Variants in STIM2 observed in about 807,000 individuals in gnomAD.
The protein encoded by STIM2 is stromal interaction molecule 2.
Under a neutral mutation model 85.8 loss-of-function variants are expected in STIM2, and 31 were observed. That is an observed-to-expected ratio of 0.36 (90% CI 0.27 to 0.49). STIM2 has a LOEUF of 0.49. STIM2 is among the 20% of genes least tolerant of loss of function. The pLI is 0.98. For missense variants in STIM2, 841 were observed against 927.6 expected (o/e 0.91, Z 1.21); for synonymous variants, 356 against 331.1 (o/e 1.08, Z -0.82).
chr4:26,869,299 C>CAAAAA (rs71186495), intron 1 of STIM2, among the ~76,000 whole-genome samples: 3 of 85,884 alleles, frequency 3.5e-5, no homozygotes, highest in Non-Finnish European at 7.0e-5. Flanking sequence ...ACCCTGTCTC[C>CAAAAA]AAAAAAAAAA....
At chr4:26,872,480 A>G (rs1722659469) in intron 1 of STIM2, among the ~76,000 whole-genome samples, 1 of 152,218 alleles carries the variant, frequency 6.6e-6, no homozygotes, top group African/African-American at 2.4e-5. Flanking sequence ...AAATATAGAA[A>G]ATACATCTAC....
intron 1 of STIM2, among the ~76,000 whole-genome samples, chr4:26,888,361 A>G (rs1723336507): frequency 6.6e-6 from 1 of 152,226 alleles, no homozygotes. Context: ...TCCCTGGGTA[A>G]TGTTCATTCT....
chr4:27,004,266 T>G (rs1728260162), intron 7 of STIM2, among the ~76,000 whole-genome samples: 1 of 152,216 alleles, frequency 6.6e-6, no homozygotes. Context: ...TTTTTGGAGC[T>G]CTTCCCTCTA....
chr4:26,997,803 G>A (rs540185487), intron 4 of STIM2, among the ~76,000 whole-genome samples: 9 of 152,284 alleles, frequency 5.9e-5, no homozygotes, highest in African/African-American at 9.6e-5. Context: ...AGCATTATAC[G>A]AAAGTACCTG....
chr4:26,890,251 G>A (rs903892661), intron 1 of STIM2, among the ~76,000 whole-genome samples: 2 of 152,170 alleles, frequency 1.3e-5, no homozygotes, highest in African/African-American at 4.8e-5. Context: ...GGTCATAGGT[G>A]TGGGCTGGGA....
intron 3 of STIM2, among the ~76,000 whole-genome samples, chr4:26,971,246 A>G (rs988814365): frequency 2.0e-5 from 3 of 152,054 alleles, no homozygotes; most frequent in Non-Finnish European, 2.9e-5. Context: ...TCTTTTGTTT[A>G]ATTAGATCCC....
At chr4:26,979,901 GTTA>G (rs1727318689) in intron 3 of STIM2, among the ~76,000 whole-genome samples, 1 of 152,070 alleles carries the variant, frequency 6.6e-6, no homozygotes, top group Admixed American at 6.6e-5. Flanking sequence ...TTCATTTGAT[GTTA>G]TTATGAACAT....
intron 2 of STIM2, among the ~76,000 whole-genome samples, chr4:26,927,756 TA>T (rs200087744): frequency 0.27 from 30,974 of 116,076 alleles, 4,183 homozygotes; most frequent in East Asian, 0.37. Flanking sequence ...GCTAAACCCT[TA>T]AAAAAAAAAA....
At chr4:26,983,695 G>C (rs1380825067) in intron 3 of STIM2, among the ~76,000 whole-genome samples, 3 of 152,082 alleles carry the variant, frequency 2.0e-5, no homozygotes, top group Non-Finnish European at 4.4e-5. Context: ...ATTTTTAGCT[G>C]GCCTTTGATA....
At chr4:26,974,211 A>G (rs1727091561) in intron 3 of STIM2, among the ~76,000 whole-genome samples, 1 of 152,196 alleles carries the variant, frequency 6.6e-6, no homozygotes, top group Admixed American at 6.5e-5. Flanking sequence ...GTGTCATTTA[A>G]TTAGGGCATT....
At chr4:27,016,226 A>G (rs1034932208) in intron 10 of STIM2, among the ~76,000 whole-genome samples, 9 of 152,054 alleles carry the variant, frequency 5.9e-5, no homozygotes, top group Admixed American at 1.3e-4. Context: ...TAGTTTCATG[A>G]TGTAAAAAAA....
Position 27,017,832 on chromosome 4 carries a change from C to T in STIM2, c.1611C>T (p.His537=). The T allele has an allele frequency of 1.2e-6, 2 of 1,614,186 alleles. No homozygotes were observed. The highest frequency in any genetic ancestry group is 1.7e-6 in the Non-Finnish European group (2 of 1,180,048). The change falls in exon 11 of 12, where the codon CAC becomes CAT. Residue 537 remains histidine, a synonymous_variant. Transcript: ENST00000467087. ...CTCAGCTTGCTCCACACGCCCCCCA[C>T]CCGTCACACCCTCGGCACCCTCACC...
In STIM2 at chr4:26,885,821, T is replaced by TTATATATA. The variant is rs56851120; in HGVS notation, c.151+24498_151+24505dup. ...ATGAAGCCAAATTTAGCACCTCAGG[T>TTATATATA]TATATATATATATATATATATATAT... On this transcript the variant is annotated intron_variant, in intron 1 of 11. Transcript: ENST00000467087. Among the ~76,000 whole-genome samples, 254 of 84,426 alleles carry TTATATATA rather than the reference T, an allele frequency of 3.0e-3. 1 individual carries two copies. Among genetic ancestry groups the TTATATATA allele is most frequent in the Non-Finnish European group, 4.4e-3 (165 of 37,392 alleles). The allele number at this position is 84,426 out of a possible 152,430, so 55.4% of individuals were successfully genotyped here.
chr4:26,863,206 A>G (rs1722283642), intron 1 of STIM2, among the ~76,000 whole-genome samples: 1 of 152,172 alleles, frequency 6.6e-6, no homozygotes, highest in African/African-American at 2.4e-5. Context: ...CTTATTGGAA[A>G]AAAATCCGAT....
At chr4:27,021,300 G>GT in intron 11 of STIM2, 3 of 450,852 alleles carry the variant, frequency 6.7e-6, no homozygotes, top group Non-Finnish European at 8.2e-6. Context: ...TTAGGTTTTG[G>GT]TAAGTTTTGG....
At chr4:27,010,975 A>G (rs1442004595) in intron 10 of STIM2, among the ~76,000 whole-genome samples, 1 of 152,200 alleles carries the variant, frequency 6.6e-6, no homozygotes, top group African/African-American at 2.4e-5. Context: ...AAACTTTCCT[A>G]TAAAGCCATC....
In STIM2 at chr4:26,979,171, C is replaced by T. The variant is rs182830495; in HGVS notation, c.398-16208C>T. Reference sequence around the variant, plus strand: ...TTTTACTATTGCCTGGTACTTTTTACTTTGAAACCCTAGGTGAGTTTACCT... The same window carrying T: ...TTTTACTATTGCCTGGTACTTTTTATTTTGAAACCCTAGGTGAGTTTACCT... On this transcript the variant is annotated intron_variant, in intron 3 of 11. Transcript: ENST00000467087. 5.2e-3 allele frequency among the ~76,000 whole-genome samples: 788 copies of T among 152,272 alleles called. 8 individuals are homozygous for T. The highest frequency in any genetic ancestry group is 0.018 in the African/African-American group (765 of 41,544).
At chr4:26,941,855 G>T (rs1043455970) in intron 2 of STIM2, among the ~76,000 whole-genome samples, 2 of 151,902 alleles carry the variant, frequency 1.3e-5, no homozygotes, top group Non-Finnish European at 2.9e-5. Flanking sequence ...GAGATTTTAG[G>T]TGTATAGTTT....
At chr4:26,882,355 T>G (rs564206499) in intron 1 of STIM2, among the ~76,000 whole-genome samples, 1 of 152,356 alleles carries the variant, frequency 6.6e-6, no homozygotes, top group East Asian at 1.9e-4. Context: ...CCAATTGTAA[T>G]TCTACTCCTG....
Sources: gnomAD v4.1 joint callset for allele counts (sites outside exome capture counted in the v4.1 genomes callset) on GRCh38, gnomAD v4.1.1 for gene constraint, MANE v1.5 for transcripts, NCBI Gene and HGNC (gene_info 2026-07-23, HGNC 2026-07-21) for gene names.